The following CEP55 variants were observed in gnomAD, a reference collection of about 807,000 sequenced individuals.
The protein encoded by CEP55 is centrosomal protein 55, also known as centrosomal protein of 55 kDa.
In CEP55, 57 loss-of-function variants were observed where a neutral mutation model predicts 63.2. The ratio of observed to expected loss-of-function variants is 0.90; its 90% CI spans 0.73 to 1.13. The LOEUF (loss-of-function observed/expected upper bound fraction) is 1.13, where lower values mean the gene tolerates loss of function less well. CEP55 is among the 50% of genes most tolerant of loss of function. CEP55 has a pLI of 0.00. For synonymous variants in CEP55, 178 were observed against 191.6 expected (o/e 0.93, Z 0.59); for missense variants, 456 against 518.9 (o/e 0.88, Z 1.18).
chr10:93,497,747 G>A (rs1005713308), intron 1 of CEP55, among the ~76,000 whole-genome samples: 6 of 152,150 alleles, frequency 3.9e-5, no homozygotes, highest in Admixed American at 2.0e-4. Flanking sequence ...TATATCGTTT[G>A]TTAAGAGTTC....
chr10:93,517,291 CTT>C, intron 6 of CEP55, 43 bp downstream of exon 6: 3 of 1,488,550 alleles, frequency 2.0e-6, no homozygotes, highest in South Asian at 1.3e-5. Context: ...TCACCGAACA[CTT>C]TCTAAGTGTC....
chr10:93,528,263 C>G lies in CEP55; in HGVS notation c.*110C>G. The G allele has an allele frequency of 1.2e-6, 1 of 840,288 alleles. No individual in the cohort carries two copies. Among genetic ancestry groups the G allele is most frequent in the East Asian group, 2.7e-5 (1 of 37,702 alleles). The allele number at this position is 840,288 out of a possible 1,614,324, so 52.1% of individuals were successfully genotyped here. ...ATTTTGCATAAAACTGCCTATCTAC[C>G]TTTGACACTCCAGCATGCTAGTGAA... On this transcript the variant is annotated 3_prime_UTR_variant, in exon 9 of 9. Transcript: ENST00000371485.
intron 8 of CEP55, 28 bp from the exon 9 acceptor site, chr10:93,527,922 A>G: frequency 6.3e-7 from 1 of 1,590,998 alleles, no homozygotes. Flanking sequence ...CTATTTACAA[A>G]TTCTATTATT....
chr10:93,507,023 T>C lies in CEP55; in HGVS notation c.495T>C (p.Asn165=). The C allele has an allele frequency of 6.3e-7, 1 of 1,589,462 alleles. No homozygotes were observed. Among genetic ancestry groups the C allele is most frequent in the Non-Finnish European group, 8.6e-7 (1 of 1,158,222 alleles). Residue 165 remains asparagine (N), a synonymous_variant, in exon 4 of 9, where the codon AAT becomes AAC. Transcript: ENST00000371485. ...VAPNCFNSSI[N]NIHEMEIQLK... is the part of the protein sequence containing the mutation. ...CAAACTGCTTCAACTCATCAATAAA[T>C]AATATTCATGAAATGGAAATACAGC... is the stretch of plus-strand genomic sequence containing the variant.
chr10:93,500,276 A>G (rs2057619856), intron 2 of CEP55, 42 bp downstream of exon 2: 1 of 1,479,804 alleles, frequency 6.8e-7, no homozygotes, highest in Non-Finnish European at 9.3e-7. Context: ...GCTCTCCAAG[A>G]AAGCGATGCA....
chr10:93,521,572 C>A (rs937581744), intron 8 of CEP55, among the ~76,000 whole-genome samples: 1 of 152,218 alleles, frequency 6.6e-6, no homozygotes, highest in Admixed American at 6.5e-5. Context: ...TTAAATGTCC[C>A]TGTCTGACAG....
rs111989850 is a variant in CEP55, at chr10:93,513,930, C to T, written c.529-1475C>T. ...ATGGCCTCATTTTAACTAATTGCATCTGCAAAGCCTCCCCCTCCCCTTTTT... is the reference window on the plus strand; with the variant it reads ...ATGGCCTCATTTTAACTAATTGCATTTGCAAAGCCTCCCCCTCCCCTTTTT... On this transcript the variant is annotated intron_variant, in intron 4 of 8. Coordinates refer to ENST00000371485, the MANE Select transcript of CEP55 (RefSeq NM_018131.5). 6.1e-3 allele frequency among the ~76,000 whole-genome samples: 922 copies of T among 151,326 alleles called. 14 individuals carry two copies. The highest frequency in any genetic ancestry group is 0.021 in the African/African-American group (885 of 41,256).
intron 7 of CEP55, 84 bp downstream of exon 7, chr10:93,519,032 A>C (rs956386732): frequency 7.9e-6 from 8 of 1,006,702 alleles, no homozygotes; most frequent in Non-Finnish European, 1.1e-5. Flanking sequence ...TCTATGGAGA[A>C]CTGTTTGAAA....
At chr10:93,516,041 A>G (rs533232270) in intron 5 of CEP55, among the ~76,000 whole-genome samples, 7 of 152,332 alleles carry the variant, frequency 4.6e-5, no homozygotes, top group South Asian at 2.1e-4. Context: ...AGTTTCCCTT[A>G]CATAGATCTT....
chr10:93,512,226 CAAA>C (rs554234979), intron 4 of CEP55, among the ~76,000 whole-genome samples: 25 of 120,216 alleles, frequency 2.1e-4, no homozygotes, highest in African/African-American at 7.1e-4. Flanking sequence ...GACTCCGTTT[CAAA>C]AAAAAAAAAA....
At position 93,500,113 on chromosome 10, in the gene CEP55, C is replaced by T; in HGVS notation, c.62C>T (p.Ser21Phe). ...KSKWGSKPSN[S>F]KSETTLEKLK... ...AAGTGGGGATCGAAGCCTAGTAACT[C>T]CAAATCCGAAACTACATTAGAAAAA... is the stretch of plus-strand genomic sequence containing the variant. The change falls in exon 2 of 9, where the codon TCC (serine) becomes TTC (phenylalanine). Residue 21 changes from serine (S) to phenylalanine (F), a missense_variant. Coordinates refer to ENST00000371485, the MANE Select transcript of CEP55 (RefSeq NM_018131.5). 6.2e-7 allele frequency: 1 copy of T among 1,613,550 alleles called. No individual in the cohort carries two copies.
At chr10:93,506,700 T>G (rs1022190736) in intron 3 of CEP55, among the ~76,000 whole-genome samples, 2 of 152,180 alleles carry the variant, frequency 1.3e-5, no homozygotes, top group African/African-American at 4.8e-5. Context: ...CCCGTGTAGC[T>G]GGGATTATAG....
chr10:93,520,116 A>G (rs533956575), intron 8 of CEP55: 17 of 355,360 alleles, frequency 4.8e-5, no homozygotes, highest in South Asian at 8.1e-5. Flanking sequence ...CTGAACTGAA[A>G]TTGTGTTTAT....
At chr10:93,498,239 CAGAGGCTAGAAACTAGT>C (rs1193830871) in intron 1 of CEP55, among the ~76,000 whole-genome samples, 1 of 152,088 alleles carries the variant, frequency 6.6e-6, no homozygotes, top group Non-Finnish European at 1.5e-5. Context: ...CCGTCTGGGC[CAGAGGCTAGAAACTAGT>C]AGTCATTCAT....
intron 4 of CEP55, among the ~76,000 whole-genome samples, chr10:93,509,518 C>T (rs533963633): frequency 2.5e-4 from 37 of 147,488 alleles, no homozygotes; most frequent in Admixed American, 8.7e-4. Context: ...TGGAGTCTCA[C>T]TCTGTCACTC....
chr10:93,515,651 A>G, intron 5 of CEP55, 96 bp downstream of exon 5: 1 of 1,257,994 alleles, frequency 7.9e-7, no homozygotes, highest in South Asian at 1.8e-5. Context: ...TATGTGTTAG[A>G]AAGTAAAATA....
chr10:93,524,107 G>C (rs949684092), intron 8 of CEP55, among the ~76,000 whole-genome samples: 6 of 152,052 alleles, frequency 3.9e-5, no homozygotes, highest in African/African-American at 1.2e-4. Context: ...AACTGAAGGA[G>C]ATAGAGACAC....
Position 93,528,330 on chromosome 10 carries a change from A to G in CEP55, c.*177A>G. 1 of 612,184 alleles carries G rather than the reference A, an allele frequency of 1.6e-6. No individual in the cohort carries two copies. The allele number at this position is 612,184 out of a possible 1,614,324, so 37.9% of individuals were successfully genotyped here. A position where few individuals can be genotyped will look rare whatever the true frequency, so the allele number is the denominator to read the frequency against. Reference sequence around the variant, plus strand: ...CTGCTGTGCATTTCTCTTGGCAGTGATACCTCCCTGACATGGTTCATCATC... The same window carrying G: ...CTGCTGTGCATTTCTCTTGGCAGTGGTACCTCCCTGACATGGTTCATCATC... On this transcript the variant is annotated 3_prime_UTR_variant, in exon 9 of 9. Coordinates refer to ENST00000371485, the MANE Select transcript of CEP55 (RefSeq NM_018131.5).
rs114029001 is a variant in CEP55, at chr10:93,519,843, G to C, written c.1191+36G>C. The C allele has an allele frequency of 7.4e-6, 12 of 1,611,406 alleles. No homozygotes were observed. In the South Asian group the frequency reaches 1.1e-4, roughly 15 times the overall value. On this transcript the variant is annotated intron_variant, in intron 8 of 8. Coordinates refer to ENST00000371485, the MANE Select transcript of CEP55 (RefSeq NM_018131.5). The stretch of plus-strand genomic sequence containing the variant: ...AATGATTAAACTAAAATTTGTCTTC[G>C]TCTTCCATTTATATACCAAATCAGT...
Sources: gnomAD v4.1 joint callset for allele counts (sites outside exome capture counted in the v4.1 genomes callset) on GRCh38, gnomAD v4.1.1 for gene constraint, MANE v1.5 for transcripts, NCBI Gene and HGNC (gene_info 2026-07-23, HGNC 2026-07-21) for gene names.